Variants in PEX13 observed in about 807,000 individuals in gnomAD.
The protein encoded by PEX13 is peroxisomal biogenesis factor 13.
PEX13 carries 28 observed loss-of-function variants against 34.5 expected under a neutral mutation model. The ratio of observed to expected loss-of-function variants is 0.81; its 90% CI spans 0.60 to 1.11. The LOEUF (loss-of-function observed/expected upper bound fraction) is 1.11, where lower values mean the gene tolerates loss of function less well. PEX13 is among the 50% of genes most tolerant of loss of function. PEX13 has a pLI of 0.00. For missense variants in PEX13, 550 were observed against 491.0 expected, an observed-to-expected ratio of 1.12 and a Z score of -1.13; for synonymous variants, 177 against 175.1, an observed-to-expected ratio of 1.01 and a Z score of -0.09.
chr2:61,021,189 G>A (rs1680254270), intron 1 of PEX13, among the ~76,000 whole-genome samples: 1 of 152,192 alleles, frequency 6.6e-6, no homozygotes, highest in Non-Finnish European at 1.5e-5. Context: ...CGCACCCCAT[G>A]GAGGGTGAGC....
Position 61,017,838 on chromosome 2 carries a change from G to A in PEX13, c.79G>A (p.Gly27Ser), listed in dbSNP as rs1680113384. 2 of 1,550,534 alleles carry A rather than the reference G, an allele frequency of 1.3e-6. No individual in the cohort carries two copies. The highest frequency in any genetic ancestry group is 1.7e-6 in the Non-Finnish European group (2 of 1,146,792). ...IPGAGPGPGP[G>S]PTFQSADLGP... ...GGGAGCCGGACCGGGACCAGGACCG[G>A]GCCCCACTTTCCAGTGAGTGTGGGA... Residue 27 changes from glycine (G) to serine (S), a missense_variant, in exon 1 of 4, where the codon GGC becomes AGC. Physicochemically the swap from Gly to Ser is moderately conservative, Grantham distance 56. Transcript: ENST00000295030.
At chr2:61,023,377 T>A (rs1680297014) in intron 1 of PEX13, among the ~76,000 whole-genome samples, 1 of 151,414 alleles carries the variant, frequency 6.6e-6, no homozygotes, top group African/African-American at 2.4e-5. Flanking sequence ...AGCTTTATTA[T>A]ATTGTAACCA....
In PEX13 at chr2:61,019,594, A is replaced by AT. The variant is rs572105090; in HGVS notation, c.92+1752dup. On this transcript the variant is annotated intron_variant, in intron 1 of 3. Coordinates refer to ENST00000295030, the MANE Select transcript of PEX13 (RefSeq NM_002618.4). ...GGAACTGACTTTGTATAAAAATCTA[A>AT]TTTTTTTTTCCATATAGGTAACTAA... 1.4e-4 allele frequency among the ~76,000 whole-genome samples: 21 copies of AT among 151,718 alleles called. No individual in the cohort carries two copies. In the South Asian group the frequency reaches 2.7e-3, roughly 20 times the overall value.
chr2:61,036,612 GCTT>G (rs1680539852), intron 2 of PEX13, among the ~76,000 whole-genome samples: 1 of 152,102 alleles, frequency 6.6e-6, no homozygotes, highest in South Asian at 2.1e-4. Context: ...CCTTACAAAA[GCTT>G]CTGAAGGAAG....
chr2:61,021,439 A>G (rs1680260794), intron 1 of PEX13, among the ~76,000 whole-genome samples: 1 of 152,148 alleles, frequency 6.6e-6, no homozygotes, highest in Non-Finnish European at 1.5e-5. Context: ...TCTGAGATCA[A>G]TCTGCGAGGC....
At chr2:61,037,403 A>G (rs1243765337) in intron 2 of PEX13, among the ~76,000 whole-genome samples, 2 of 152,232 alleles carry the variant, frequency 1.3e-5, no homozygotes, top group Admixed American at 1.3e-4. Context: ...AAAAGAACAG[A>G]AATCACAACA....
Position 61,031,674 on chromosome 2 carries a change from T to G in PEX13, c.348T>G (p.Ser116Arg). ...TCCGTGTAGATGATCTTCCACCCAG[T>G]AGATTTGTTCAGCAAGCTGAAGAAA... ...NRLRVDDLPP[S>R]RFVQQAEESS... Residue 116 changes from serine (S) to arginine (R), a missense_variant, in exon 2 of 4, where the codon AGT becomes AGG. Coordinates refer to ENST00000295030, the MANE Select transcript of PEX13 (RefSeq NM_002618.4). 1 of 1,614,164 alleles carries G rather than the reference T, an allele frequency of 6.2e-7. No individual in the cohort carries two copies. Among genetic ancestry groups the G allele is most frequent in the Non-Finnish European group, 8.5e-7 (1 of 1,180,024 alleles).
intron 2 of PEX13, among the ~76,000 whole-genome samples, chr2:61,038,889 A>T (rs917576873): frequency 1.3e-5 from 2 of 152,256 alleles, no homozygotes; most frequent in African/African-American, 4.8e-5. Flanking sequence ...CCTTAAGCTG[A>T]TAAGCAACCT....
rs886056202 is a variant in PEX13 at position 61,050,303 on chromosome 2, G to C, written c.*1533G>C. ...AGGCAGGAGAATCACTTGAACCCGG[G>C]AGGCAGAGGTTGCAGGGAGCTGAGA... On this transcript the variant is annotated 3_prime_UTR_variant, in exon 4 of 4. Coordinates refer to ENST00000295030, the MANE Select transcript of PEX13 (RefSeq NM_002618.4). 2.0e-5 allele frequency: 3 copies of C among 152,314 alleles called. No homozygotes were observed. The highest frequency in any genetic ancestry group is 4.4e-5 in the Non-Finnish European group (3 of 68,186). The allele number at this position is 152,314 out of a possible 1,614,324, so 9.4% of individuals were successfully genotyped here. A position where few individuals can be genotyped will look rare whatever the true frequency, so the allele number is the denominator to read the frequency against.
intron 1 of PEX13, among the ~76,000 whole-genome samples, chr2:61,024,092 C>G (rs1175842634): frequency 3.9e-5 from 6 of 152,174 alleles, no homozygotes; most frequent in Non-Finnish European, 8.8e-5. Context: ...CCACCACTCC[C>G]TCACCATCTC....
At chr2:61,038,610 A>C (rs774625592) in intron 2 of PEX13, among the ~76,000 whole-genome samples, 3 of 152,216 alleles carry the variant, frequency 2.0e-5, no homozygotes, top group Non-Finnish European at 4.4e-5. Flanking sequence ...GTATCTCAAA[A>C]TAATAAAAGG....
chr2:61,031,515 A>G lies in PEX13; in HGVS notation c.189A>G (p.Thr63=). 6.2e-7 allele frequency: 1 copy of G among 1,614,148 alleles called. No homozygotes were observed. Among genetic ancestry groups the G allele is most frequent in the Admixed American group, 1.7e-5 (1 of 60,018 alleles). Residue 63 remains threonine, a synonymous_variant, in exon 2 of 4, where the codon ACA becomes ACG. Coordinates refer to ENST00000295030, the MANE Select transcript of PEX13 (RefSeq NM_002618.4). ...PPILPRPSQQ[T]GSSSVNTFRP... is the part of the protein sequence containing the mutation. ...TTCTTCCAAGGCCATCACAGCAGAC[A>G]GGAAGTAGCAGTGTGAACACTTTTA...
chr2:61,018,523 AAGG>A (rs1680163931), intron 1 of PEX13: 1 of 388,618 alleles, frequency 2.6e-6, no homozygotes, highest in Non-Finnish European at 4.5e-6. Flanking sequence ...GGACTTTAAA[AAGG>A]CTAAAACATG....
intron 1 of PEX13, chr2:61,018,118 G>T (rs1180833259): frequency 1.9e-6 from 3 of 1,547,134 alleles, no homozygotes; most frequent in East Asian, 2.4e-5. Context: ...TTGAAAGAAA[G>T]GGGGGCGGCT....
chr2:61,023,779 GTCTTT>G (rs1680305930), intron 1 of PEX13, among the ~76,000 whole-genome samples: 1 of 125,024 alleles, frequency 8.0e-6, no homozygotes, highest in African/African-American at 3.0e-5. Context: ...GGCCATCTCT[GTCTTT>G]TGTTTTGTTT....
chr2:61,047,539 C>T (rs189772237), intron 3 of PEX13, among the ~76,000 whole-genome samples: 1 of 152,316 alleles, frequency 6.6e-6, no homozygotes, highest in East Asian at 1.9e-4. Flanking sequence ...TTGTTAGAGA[C>T]AGGAACAACA....
At chr2:61,042,791 G>T (rs558824616) in intron 2 of PEX13, among the ~76,000 whole-genome samples, 1 of 152,308 alleles carries the variant, frequency 6.6e-6, no homozygotes, top group South Asian at 2.1e-4. Context: ...TCCAGAGAAA[G>T]TAAACTTGTT....
chr2:61,021,709 G>A (rs1333395512), intron 1 of PEX13, among the ~76,000 whole-genome samples: 2 of 152,166 alleles, frequency 1.3e-5, no homozygotes, highest in East Asian at 3.9e-4. Context: ...ACGGACAGAC[G>A]GCCTCCTCAA....
chr2:61,018,519 T>TA, intron 1 of PEX13: 1 of 389,228 alleles, frequency 2.6e-6, no homozygotes, highest in Non-Finnish European at 4.5e-6. Flanking sequence ...TCTAGGACTT[T>TA]AAAAAGGCTA....
Sources: allele counts gnomAD v4.1 joint callset (sites outside exome capture counted in the v4.1 genomes callset), GRCh38; gene constraint gnomAD v4.1.1; transcripts MANE v1.5; gene names NCBI Gene and HGNC (gene_info 2026-07-23, HGNC 2026-07-21).